Variants in BBIP1 observed in about 807,000 individuals in gnomAD.
BBIP1 encodes BBSome interacting protein 1, also known as BBSome-interacting protein 1.
BBIP1 carries 6 observed loss-of-function variants against 8.9 expected under a neutral mutation model. That is an observed-to-expected ratio of 0.67 (90% CI 0.37 to 1.33). The LOEUF (loss-of-function observed/expected upper bound fraction) is 1.33, where lower values mean the gene tolerates loss of function less well. Ranked by LOEUF, BBIP1 falls within the 40% of genes most tolerant of loss-of-function variation. The pLI is 0.02. For missense variants in BBIP1, 111 were observed against 109.2 expected (o/e 1.02, Z -0.07); for synonymous variants, 32 against 33.4 (o/e 0.96, Z 0.14).
At chr10:110,910,864 A>G (rs35369916) in intron 2 of BBIP1, 8,386 of 152,388 alleles carry the variant, frequency 0.055, 306 homozygotes, top group Non-Finnish European at 0.083. Flanking sequence ...CCCAGAGTCA[A>G]CTGTACAGTA....
chr10:110,900,266 AAC>A lies in BBIP1; in HGVS notation c.*92_*93del. On this transcript the variant is annotated 3_prime_UTR_variant, in exon 4 of 4. Coordinates refer to ENST00000448814, the MANE Select transcript of BBIP1 (RefSeq NM_001195305.3). Reference sequence around the variant, plus strand: ...TATGAATACTATCAATTTTATTGATAACACATACTACTTTCAGCACACAGAAG... The same window carrying A: ...TATGAATACTATCAATTTTATTGATAACATACTACTTTCAGCACACAGAAG... 1.7e-6 allele frequency: 2 copies of A among 1,167,556 alleles called. No individual in the cohort carries two copies. Among genetic ancestry groups the A allele is most frequent in the South Asian group, 1.7e-5 (1 of 57,734 alleles). 72.3% of individuals were successfully genotyped at this position (1,167,556 alleles called of 1,614,324 possible).
intron 2 of BBIP1, among the ~76,000 whole-genome samples, chr10:110,906,077 A>C (rs1174466586): frequency 6.8e-6 from 1 of 146,852 alleles, no homozygotes; most frequent in African/African-American, 2.5e-5. Context: ...ATCTTGGCTC[A>C]CTGCAAGCTC....
chr10:110,918,795 G>A (rs1435855413), intron 1 of BBIP1: 3 of 152,420 alleles, frequency 2.0e-5, no homozygotes, highest in African/African-American at 7.2e-5. Flanking sequence ...CTGTCCCACA[G>A]GGACCGTCCG....
chr10:110,916,296 G>GT (rs1564695286), intron 2 of BBIP1, among the ~76,000 whole-genome samples: 1 of 152,166 alleles, frequency 6.6e-6, no homozygotes, highest in South Asian at 2.1e-4. Context: ...CTTATGTGCA[G>GT]TTTTTTCCTT....
chr10:110,900,671 C>G, intron 3 of BBIP1, 145 bp from the exon 4 acceptor site: 1 of 652,918 alleles, frequency 1.5e-6, no homozygotes, highest in East Asian at 3.0e-5. Context: ...GCTCTGGAAC[C>G]AGAAAGATCA....
intron 2 of BBIP1, among the ~76,000 whole-genome samples, chr10:110,916,800 TA>T (rs879892662): frequency 1.3e-5 from 2 of 152,190 alleles, no homozygotes; most frequent in Non-Finnish European, 2.9e-5. Flanking sequence ...AACACTTTAT[TA>T]AAGGTAGTCA....
chr10:110,900,547 G>T, intron 3 of BBIP1, 21 bp from the exon 4 acceptor site: 2 of 1,499,656 alleles, frequency 1.3e-6, no homozygotes, highest in Non-Finnish European at 1.8e-6. Context: ...CAAGAAATAA[G>T]AATTAATTCA....
chr10:110,908,874 A>G (rs984153422), intron 2 of BBIP1, among the ~76,000 whole-genome samples: 2 of 152,328 alleles, frequency 1.3e-5, no homozygotes, highest in African/African-American at 2.4e-5. Context: ...TTTGAAGGAA[A>G]TAAGGAGAAC....
At chr10:110,901,005 G>A in intron 3 of BBIP1, 2 of 267,758 alleles carry the variant, frequency 7.5e-6, no homozygotes, top group South Asian at 3.4e-5. Context: ...TTCATATTGA[G>A]TAGGGCATGG....
chr10:110,903,112 T>C (rs1170896662), intron 2 of BBIP1: 1 of 152,228 alleles, frequency 6.6e-6, no homozygotes, highest in Non-Finnish European at 1.5e-5. Flanking sequence ...GAGGACATTA[T>C]AGATGTTGAT....
intron 2 of BBIP1, among the ~76,000 whole-genome samples, chr10:110,913,532 G>GTATGA (rs1166140056): frequency 6.6e-6 from 1 of 152,156 alleles, no homozygotes; most frequent in Admixed American, 6.5e-5. Context: ...GTTTTAAAAA[G>GTATGA]TATGATAATA....
At chr10:110,905,031 G>A (rs1435287662) in intron 2 of BBIP1, 1 of 152,176 alleles carries the variant, frequency 6.6e-6, no homozygotes, top group Admixed American at 6.5e-5. Context: ...TCTAAAGTTT[G>A]TAATTTCTCC....
At chr10:110,913,426 A>C (rs1846323953) in intron 2 of BBIP1, among the ~76,000 whole-genome samples, 1 of 152,246 alleles carries the variant, frequency 6.6e-6, no homozygotes, top group Non-Finnish European at 1.5e-5. Context: ...GGTACCTATA[A>C]GACAGCATGA....
chr10:110,918,383 A>G (rs1429280738), intron 1 of BBIP1, among the ~76,000 whole-genome samples, 170 bp from the exon 2 acceptor site: 1 of 152,238 alleles, frequency 6.6e-6, no homozygotes, highest in Non-Finnish European at 1.5e-5. Context: ...AAGGGGGGAA[A>G]AATCAGAATG....
chr10:110,901,903 A>G, intron 2 of BBIP1: 1 of 345,202 alleles, frequency 2.9e-6, no homozygotes, highest in Non-Finnish European at 5.5e-6. Context: ...GGCAAAGATG[A>G]TTAATATCAT....
At chr10:110,915,027 T>C (rs996111908) in intron 2 of BBIP1, among the ~76,000 whole-genome samples, 1 of 152,244 alleles carries the variant, frequency 6.6e-6, no homozygotes, top group Non-Finnish European at 1.5e-5. Flanking sequence ...AAAAGTTGTT[T>C]GATACTTTAC....
At chr10:110,910,590 C>T (rs1030113595) in intron 2 of BBIP1, 1 of 152,178 alleles carries the variant, frequency 6.6e-6, no homozygotes, top group Non-Finnish European at 1.5e-5. Context: ...TGATAACAGA[C>T]ACTAAGAGGA....
chr10:110,916,205 T>C (rs1053562771), intron 2 of BBIP1, among the ~76,000 whole-genome samples: 2 of 152,238 alleles, frequency 1.3e-5, no homozygotes, highest in African/African-American at 4.8e-5. Context: ...GAATGCACTA[T>C]GTAATTTTCA....
chr10:110,905,517 G>C lies in BBIP1; in HGVS notation c.38-3905C>G, dbSNP rs567554001. ...GCGGAGCTTGCAGTGAGCCGAGATC[G>C]TGCCACTGCACTCCAGCCTGGGCGA... On this transcript the variant is annotated intron_variant, in intron 2 of 3. Transcript: ENST00000448814. 3.3e-5 allele frequency among the ~76,000 whole-genome samples: 5 copies of C among 151,444 alleles called. No homozygotes were observed. The South Asian group carries it at 1.0e-3, about 32-fold the overall frequency.
Sources: allele counts gnomAD v4.1 joint callset (sites outside exome capture counted in the v4.1 genomes callset), GRCh38; gene constraint gnomAD v4.1.1; transcripts MANE v1.5; gene names NCBI Gene and HGNC (gene_info 2026-07-23, HGNC 2026-07-21).